CDC42BPB: variants seen among roughly 807,000 people sequenced by gnomAD.
CDC42BPB encodes the protein serine/threonine-protein kinase MRCK beta.
CDC42BPB carries 37 observed loss-of-function variants against 214.9 expected under a neutral mutation model. That is an observed-to-expected ratio of 0.17 (90% confidence interval 0.13 to 0.23). CDC42BPB has a LOEUF of 0.23. Among genes scored for constraint, CDC42BPB ranks in the 10% least tolerant of loss-of-function variants. CDC42BPB has a pLI of 1.00. For synonymous variants in CDC42BPB, 931 were observed against 884.0 expected, an observed-to-expected ratio of 1.05 and a Z score of -0.94; for missense variants, 1,694 against 2,227.0, an observed-to-expected ratio of 0.76 and a Z score of 4.82.
chr14:103,030,170 A>G (rs577042253), intron 1 of CDC42BPB, among the ~76,000 whole-genome samples: 15 of 152,244 alleles, frequency 9.9e-5, no homozygotes, highest in Non-Finnish European at 2.1e-4. Context: ...CTTGCCCGAC[A>G]GGAGTGACCA....
At chr14:103,020,815 G>C (rs992261651) in intron 1 of CDC42BPB, among the ~76,000 whole-genome samples, 1 of 152,260 alleles carries the variant, frequency 6.6e-6, no homozygotes, top group South Asian at 2.1e-4. Context: ...GACGGCTGAC[G>C]CAGCTACGGA....
intron 1 of CDC42BPB, among the ~76,000 whole-genome samples, chr14:103,025,461 A>T (rs1250972413): frequency 6.6e-6 from 1 of 151,886 alleles, no homozygotes; most frequent in Non-Finnish European, 1.5e-5. Context: ...CCACTCACAG[A>T]AGAGTGGATA....
chr14:102,970,371 C>A, intron 13 of CDC42BPB, 110 bp from the exon 14 acceptor site: 3 of 1,449,916 alleles, frequency 2.1e-6, no homozygotes, highest in South Asian at 2.8e-5. Flanking sequence ...GAGCTCTGCG[C>A]GTGTTCACCC....
At position 102,963,035 on chromosome 14, in the gene CDC42BPB, T is replaced by C. The variant is rs752271308; in HGVS notation, c.2821+26A>G. 1.5e-5 allele frequency: 15 copies of C among 1,027,452 alleles called. No individual in the cohort carries two copies. In the South Asian group the frequency reaches 1.6e-4, roughly 11 times the overall value. The allele number at this position is 1,027,452 out of a possible 1,614,324, so 63.6% of individuals were successfully genotyped here. A position where few individuals can be genotyped will look rare whatever the true frequency, so the allele number is the denominator to read the frequency against. ...TTGAAAAATACTTATATTCAAATAATGCAGAATCGCACAACATTAATTTAC... is the reference window on the plus strand; with the variant it reads ...TTGAAAAATACTTATATTCAAATAACGCAGAATCGCACAACATTAATTTAC... On this transcript the variant is annotated intron_variant, in intron 20 of 36. Coordinates refer to ENST00000361246, the MANE Select transcript of CDC42BPB (RefSeq NM_006035.4).
At chr14:102,946,376 G>C in intron 28 of CDC42BPB, 92 bp downstream of exon 28, 1 of 1,391,804 alleles carries the variant, frequency 7.2e-7, no homozygotes, top group Non-Finnish European at 9.9e-7. Flanking sequence ...AAATGGACCT[G>C]TGACCTTCAT....
At chr14:102,987,928 T>A (rs1038060185) in intron 5 of CDC42BPB, among the ~76,000 whole-genome samples, 1 of 151,580 alleles carries the variant, frequency 6.6e-6, no homozygotes, top group Admixed American at 6.6e-5. Flanking sequence ...GAGCTGTGAT[T>A]GCGCCACTGC....
At chr14:102,986,930 C>T (rs941412158) in intron 5 of CDC42BPB, among the ~76,000 whole-genome samples, 1 of 152,230 alleles carries the variant, frequency 6.6e-6, no homozygotes, top group East Asian at 1.9e-4. Flanking sequence ...CTTCATGAAG[C>T]CTGCACACGA....
intron 1 of CDC42BPB, among the ~76,000 whole-genome samples, chr14:103,030,136 G>A (rs1566914257): frequency 3.3e-5 from 5 of 152,356 alleles, no homozygotes; most frequent in South Asian, 4.1e-4. Context: ...GAGGAGAAGC[G>A]TGGAGCGGCC....
intron 21 of CDC42BPB, chr14:102,956,553 G>A (rs545640200): frequency 3.5e-4 from 96 of 272,012 alleles, no homozygotes; most frequent in Non-Finnish European, 5.0e-4. Context: ...TTAGCGGCCA[G>A]GCACGGTGGC....
chr14:102,945,777 T>C (rs1892135298), intron 28 of CDC42BPB, 53 bp from the exon 29 acceptor site: 1 of 1,543,702 alleles, frequency 6.5e-7, no homozygotes, highest in Non-Finnish European at 8.9e-7. Context: ...CCGTGAACAA[T>C]ATGGGTTTGA....
chr14:102,941,825 G>A (rs1432654132), intron 30 of CDC42BPB, among the ~76,000 whole-genome samples: 3 of 152,198 alleles, frequency 2.0e-5, no homozygotes, highest in Non-Finnish European at 4.4e-5. Flanking sequence ...GGATGGGGAG[G>A]GGCAGGGGAG....
At chr14:102,983,914 G>A in intron 6 of CDC42BPB, 158 bp from the exon 7 acceptor site, 1 of 985,056 alleles carries the variant, frequency 1.0e-6, no homozygotes, top group Non-Finnish European at 1.2e-6. Flanking sequence ...TTCAAGCTGA[G>A]TATAGTGCCT....
At position 102,940,133 on chromosome 14, in the gene CDC42BPB, G is replaced by A. The variant is rs1177618253; in HGVS notation, c.4507-3C>T. The A allele has an allele frequency of 6.2e-7, 1 of 1,614,044 alleles. No individual in the cohort carries two copies. The highest frequency in any genetic ancestry group is 8.5e-7 in the Non-Finnish European group (1 of 1,180,040). On this transcript the variant is annotated splice_polypyrimidine_tract_variant and splice_region_variant and intron_variant, in intron 31 of 36. Transcript: ENST00000361246. The stretch of plus-strand genomic sequence containing the variant: ...CCTTCAGAGTTCAGGGGCCTTATCT[G>A]GATTGGAAACCAGGGAGGGACAGTA...
At chr14:102,947,063 C>T (rs1287662778) in intron 27 of CDC42BPB, among the ~76,000 whole-genome samples, 1 of 152,262 alleles carries the variant, frequency 6.6e-6, no homozygotes, top group Non-Finnish European at 1.5e-5. Flanking sequence ...TCCCTGTGAG[C>T]AGCCTCTGAG....
intron 2 of CDC42BPB, among the ~76,000 whole-genome samples, chr14:103,010,995 A>T (rs1886124168): frequency 6.6e-6 from 1 of 152,176 alleles, no homozygotes; most frequent in East Asian, 1.9e-4. Context: ...GCACCACTGC[A>T]CTCCAGCCTG....
At chr14:102,939,586 G>A (rs1477239851) in intron 34 of CDC42BPB, 24 bp downstream of exon 34, 12 of 1,560,088 alleles carry the variant, frequency 7.7e-6, no homozygotes, top group East Asian at 6.7e-5. Context: ...TGCCCTGCCC[G>A]CCCTATCCCG....
intron 21 of CDC42BPB, chr14:102,956,525 A>T (rs950324402): frequency 2.1e-6 from 1 of 483,720 alleles, no homozygotes; most frequent in Non-Finnish European, 2.7e-6. Flanking sequence ...ATGCCTTCCC[A>T]TTTAAATCAC....
At chr14:102,996,016 C>T (rs920737070) in intron 5 of CDC42BPB, among the ~76,000 whole-genome samples, 5 of 152,270 alleles carry the variant, frequency 3.3e-5, no homozygotes, top group Admixed American at 6.5e-5. Flanking sequence ...CTACTATGCC[C>T]GGACGTCAAA....
At chr14:102,935,813 G>A (rs1229271229) in intron 36 of CDC42BPB, among the ~76,000 whole-genome samples, 4 of 146,430 alleles carry the variant, frequency 2.7e-5, no homozygotes, top group East Asian at 2.0e-4. Context: ...TGTAAATAAC[G>A]ACAACCCATA....
Sources: gnomAD v4.1 joint callset for allele counts (sites outside exome capture counted in the v4.1 genomes callset) on GRCh38, gnomAD v4.1.1 for gene constraint, MANE v1.5 for transcripts, NCBI Gene and HGNC (gene_info 2026-07-23, HGNC 2026-07-21) for gene names.